Variants in GLRB observed in about 807,000 individuals in gnomAD.
The protein encoded by GLRB is glycine receptor subunit beta.
A neutral mutation model predicts 54.2 loss-of-function variants in GLRB; 33 were observed. That is an observed-to-expected ratio of 0.61 (90% CI 0.46 to 0.81). GLRB has a LOEUF of 0.81. Among genes scored for constraint, GLRB ranks in the 40% least tolerant of loss-of-function variants. GLRB has a pLI of 0.00. For synonymous variants in GLRB, 209 were observed against 208.2 expected (o/e 1.00, Z -0.03); for missense variants, 572 against 584.6 (o/e 0.98, Z 0.22).
chr4:157,120,702 A>C, intron 3 of GLRB, 40 bp downstream of exon 3: 2 of 945,592 alleles, frequency 2.1e-6, no homozygotes, highest in Non-Finnish European at 3.4e-6. Flanking sequence ...TTATTGTTTA[A>C]AAATTAATTT....
At chr4:157,142,869 C>T (rs1736668393) in intron 7 of GLRB, among the ~76,000 whole-genome samples, 1 of 152,144 alleles carries the variant, frequency 6.6e-6, no homozygotes, top group African/African-American at 2.4e-5. Context: ...AAATTAAGCA[C>T]TTTCGGCATT....
At chr4:157,090,101 A>G (rs1425397498) in intron 2 of GLRB, among the ~76,000 whole-genome samples, 1 of 152,066 alleles carries the variant, frequency 6.6e-6, no homozygotes, top group Non-Finnish European at 1.5e-5. Context: ...TGTCCTCTCT[A>G]CTTTGCTCAT....
chr4:157,127,193 C>T (rs1314247448), intron 4 of GLRB, among the ~76,000 whole-genome samples: 2 of 151,468 alleles, frequency 1.3e-5, no homozygotes, highest in Non-Finnish European at 2.9e-5. Context: ...TTAAAACTTG[C>T]CTCAGTTTAC....
At chr4:157,121,976 AT>A (rs1330871520) in intron 3 of GLRB, among the ~76,000 whole-genome samples, 3 of 151,544 alleles carry the variant, frequency 2.0e-5, no homozygotes, top group Non-Finnish European at 3.0e-5. Flanking sequence ...TTTCAAAATG[AT>A]TCTTTAAGAA....
At chr4:157,123,446 A>C (rs950478081) in intron 4 of GLRB, among the ~76,000 whole-genome samples, 1 of 151,698 alleles carries the variant, frequency 6.6e-6, no homozygotes, top group African/African-American at 2.4e-5. Context: ...TTGTGATGAG[A>C]GTGTTATTTA....
At chr4:157,078,228 A>G (rs1734108319) in intron 2 of GLRB, 82 bp downstream of exon 2, 1 of 1,589,018 alleles carries the variant, frequency 6.3e-7, no homozygotes, top group Admixed American at 1.7e-5. Context: ...ATGAAGACAC[A>G]CATCAACAAA....
intron 2 of GLRB, among the ~76,000 whole-genome samples, chr4:157,096,898 T>A (rs1385095521): frequency 6.6e-6 from 1 of 152,204 alleles, no homozygotes; most frequent in African/African-American, 2.4e-5. Context: ...TCCCAAGGCA[T>A]TGTAGTGTGC....
At chr4:157,121,448 A>G (rs1437821458) in intron 3 of GLRB, among the ~76,000 whole-genome samples, 2 of 147,048 alleles carry the variant, frequency 1.4e-5, no homozygotes, top group Admixed American at 6.7e-5. Flanking sequence ...TTAACATTAT[A>G]AGGCTTGATT....
chr4:157,099,340 CTT>C (rs200495679), intron 2 of GLRB, among the ~76,000 whole-genome samples: 5 of 141,862 alleles, frequency 3.5e-5, no homozygotes, highest in Admixed American at 7.1e-5. Flanking sequence ...GTGTTATTAA[CTT>C]TTTTTTTTTT....
At chr4:157,123,986 T>C (rs758765092) in intron 4 of GLRB, among the ~76,000 whole-genome samples, 1 of 151,704 alleles carries the variant, frequency 6.6e-6, no homozygotes, top group Non-Finnish European at 1.5e-5. Flanking sequence ...ATGTATCTAT[T>C]TTGTAATAAA....
intron 4 of GLRB, chr4:157,136,219 G>A (rs1736393051): frequency 6.3e-6 from 3 of 479,558 alleles, no homozygotes; most frequent in Non-Finnish European, 1.1e-5. Flanking sequence ...TATCAACAAG[G>A]TTATATTCTG....
At chr4:157,151,087 T>C (rs114493957) in intron 8 of GLRB, among the ~76,000 whole-genome samples, 264 of 152,252 alleles carry the variant, frequency 1.7e-3, no homozygotes, top group Middle Eastern at 6.8e-3. Context: ...GTTTCTAATC[T>C]ATCAGGATAA....
At chr4:157,098,198 A>G (rs535072364) in intron 2 of GLRB, among the ~76,000 whole-genome samples, 8 of 152,260 alleles carry the variant, frequency 5.3e-5, no homozygotes, top group African/African-American at 4.8e-5. Context: ...CTTCAATATC[A>G]TATCTGTGAG....
chr4:157,106,553 A>G (rs2126495557), intron 2 of GLRB, among the ~76,000 whole-genome samples: 1 of 152,242 alleles, frequency 6.6e-6, no homozygotes, highest in South Asian at 2.1e-4. Context: ...TGAATATAAT[A>G]AAACAGCAGA....
intron 2 of GLRB, among the ~76,000 whole-genome samples, chr4:157,100,408 C>T (rs1033890811): frequency 6.6e-6 from 1 of 152,034 alleles, no homozygotes; most frequent in Admixed American, 6.6e-5. Flanking sequence ...TATTGTAAAT[C>T]AATTATTTGC....
intron 2 of GLRB, among the ~76,000 whole-genome samples, chr4:157,117,648 G>T (rs1735654346): frequency 6.6e-6 from 1 of 151,568 alleles, no homozygotes; most frequent in African/African-American, 2.4e-5. Flanking sequence ...AGGACAAAAT[G>T]TTCTTCTTCC....
chr4:157,133,210 T>A (rs1736280816), intron 4 of GLRB, among the ~76,000 whole-genome samples: 1 of 151,878 alleles, frequency 6.6e-6, no homozygotes, highest in Admixed American at 6.6e-5. Flanking sequence ...AGTAATAAAC[T>A]TTTGTGAGTA....
At chr4:157,138,058 A>G (rs1736469562) in intron 6 of GLRB, among the ~76,000 whole-genome samples, 1 of 152,078 alleles carries the variant, frequency 6.6e-6, no homozygotes, top group African/African-American at 2.4e-5. Flanking sequence ...GGAATTTTGC[A>G]GTGATCATAA....
At chr4:157,150,609 C>A (rs1446078576) in intron 8 of GLRB, among the ~76,000 whole-genome samples, 1 of 152,038 alleles carries the variant, frequency 6.6e-6, no homozygotes, top group Non-Finnish European at 1.5e-5. Flanking sequence ...TTCAGATTCT[C>A]AGGTGCAATG....
Sources: allele counts gnomAD v4.1 joint callset (sites outside exome capture counted in the v4.1 genomes callset), GRCh38; gene constraint gnomAD v4.1.1; transcripts MANE v1.5; gene names NCBI Gene and HGNC (gene_info 2026-07-23, HGNC 2026-07-21).